The following UEVLD variants were observed in gnomAD, a reference collection of about 807,000 sequenced individuals.
UEVLD encodes ubiquitin-conjugating enzyme E2 variant 3.
A neutral mutation model predicts 58.6 loss-of-function variants in UEVLD; 47 were observed. The observed-to-expected ratio is 0.80, with a 90% CI of 0.63 to 1.02. The LOEUF is 1.02. Among genes scored for constraint, UEVLD ranks in the 50% least tolerant of loss-of-function variants. UEVLD has a pLI of 0.00. For missense variants in UEVLD, 510 were observed against 550.6 expected, an observed-to-expected ratio of 0.93 and a Z score of 0.74; for synonymous variants, 197 against 195.3, an observed-to-expected ratio of 1.01 and a Z score of -0.07.
rs113365386 is a variant in UEVLD at position 18,581,834 on chromosome 11, C to T, written c.43-3026G>A. Reference sequence around the variant, plus strand: ...TTCACAGTACTTAGTACAGGGTATGCCTTTGATAGAATTATGTTTTTTGGA... The same window carrying T: ...TTCACAGTACTTAGTACAGGGTATGTCTTTGATAGAATTATGTTTTTTGGA... On this transcript the variant is annotated intron_variant, in intron 1 of 11. Coordinates refer to ENST00000396197, the MANE Select transcript of UEVLD (RefSeq NM_001040697.4). Among the ~76,000 whole-genome samples the T allele has an allele frequency of 7.9e-4, 121 of 152,206 alleles. 1 individual carries two copies. The highest frequency in any genetic ancestry group is 2.7e-3 in the African/African-American group (114 of 41,530).
At chr11:18,561,901 GA>G (rs372315047) in intron 6 of UEVLD, among the ~76,000 whole-genome samples, 8 of 143,842 alleles carry the variant, frequency 5.6e-5, no homozygotes, top group Admixed American at 1.4e-4. Context: ...TCCATCTCAA[GA>G]AAAAAAAAAG....
At chr11:18,536,306 G>C in intron 10 of UEVLD, 100 bp downstream of exon 10, 1 of 1,133,958 alleles carries the variant, frequency 8.8e-7, no homozygotes, top group Non-Finnish European at 1.3e-6. Context: ...TATTAGTTTT[G>C]TTTCCAGAAG....
chr11:18,582,867 T>C (rs965983043), intron 1 of UEVLD, among the ~76,000 whole-genome samples: 8 of 152,282 alleles, frequency 5.3e-5, no homozygotes, highest in African/African-American at 1.9e-4. Context: ...AAAAATTGAG[T>C]TTAATAAAAT....
intron 1 of UEVLD, among the ~76,000 whole-genome samples, chr11:18,582,367 A>T (rs1226256754): frequency 9.2e-6 from 1 of 108,526 alleles, no homozygotes; most frequent in Non-Finnish European, 1.8e-5. Flanking sequence ...GCCCGAGCCA[A>T]AAAGTACCTG....
At chr11:18,569,571 G>A (rs963698178) in intron 4 of UEVLD, among the ~76,000 whole-genome samples, 3 of 152,028 alleles carry the variant, frequency 2.0e-5, no homozygotes, top group African/African-American at 4.8e-5. Flanking sequence ...AATGTCTTAC[G>A]TTAGGGCAAT....
chr11:18,556,542 A>T (rs1239462072), intron 7 of UEVLD, among the ~76,000 whole-genome samples: 1 of 152,232 alleles, frequency 6.6e-6, no homozygotes, highest in Non-Finnish European at 1.5e-5. Flanking sequence ...TTGTCAAGGA[A>T]TAAAGGGGAC....
At chr11:18,558,944 G>A (rs182924655) in intron 6 of UEVLD, among the ~76,000 whole-genome samples, 36 of 147,586 alleles carry the variant, frequency 2.4e-4, no homozygotes, top group Middle Eastern at 8.1e-3. Flanking sequence ...GTACAATCTC[G>A]GCTCACTGCA....
intron 10 of UEVLD, among the ~76,000 whole-genome samples, chr11:18,535,062 G>C (rs1174698382): frequency 6.6e-6 from 1 of 152,218 alleles, no homozygotes. Flanking sequence ...AAAAATGTCT[G>C]AGATTTCATC....
At position 18,588,699 on chromosome 11, in the gene UEVLD, A is replaced by C; in HGVS notation, c.-45T>G. 1 of 1,596,132 alleles carries C rather than the reference A, an allele frequency of 6.3e-7. No homozygotes were observed. The highest frequency in any genetic ancestry group is 8.5e-7 in the Non-Finnish European group (1 of 1,176,104). On this transcript the variant is annotated 5_prime_UTR_variant, in exon 1 of 12. Coordinates refer to ENST00000396197, the MANE Select transcript of UEVLD (RefSeq NM_001040697.4). The stretch of plus-strand genomic sequence containing the variant: ...TAGGTCCCAGGACTCCAGCCCCCGG[A>C]CCTTCTTCCGGACTTGCTGCAGGAC...
At chr11:18,538,172 C>T (rs1850890282) in intron 9 of UEVLD, among the ~76,000 whole-genome samples, 1 of 152,120 alleles carries the variant, frequency 6.6e-6, no homozygotes, top group African/African-American at 2.4e-5. Flanking sequence ...CATGTGTCAG[C>T]AACAAAGGAC....
intron 6 of UEVLD, chr11:18,563,578 A>G: frequency 8.1e-6 from 6 of 739,350 alleles, no homozygotes; most frequent in Non-Finnish European, 9.9e-6. Flanking sequence ...GCAACAGAAC[A>G]TGACCCTGTC....
In UEVLD at chr11:18,580,101, G is replaced by C. The variant is rs116940770; in HGVS notation, c.43-1293C>G. Among the ~76,000 whole-genome samples the C allele has an allele frequency of 2.4e-3, 364 of 149,002 alleles. 1 individual carries two copies. Among genetic ancestry groups the C allele is most frequent in the Non-Finnish European group, 4.1e-3 (277 of 67,582 alleles). On this transcript the variant is annotated intron_variant, in intron 1 of 11. Transcript: ENST00000396197. Reference sequence around the variant, plus strand: ...TCTAAAATTCATTTGGAAATTCGAGGGACCTAGAATAGCCAAAACGATCAG... The same window carrying C: ...TCTAAAATTCATTTGGAAATTCGAGCGACCTAGAATAGCCAAAACGATCAG...
rs373728503 is a variant in UEVLD, at chr11:18,570,355, A to C, written c.216T>G (p.Ile72Met). 1 of 1,569,410 alleles carries C rather than the reference A, an allele frequency of 6.4e-7. No homozygotes were observed. The highest frequency in any genetic ancestry group is 1.2e-5 in the South Asian group (1 of 83,194). The change falls in exon 4 of 12, where the codon ATT (isoleucine) becomes ATG (methionine). Residue 72 changes from isoleucine to methionine, a missense_variant. By Grantham distance (10) the Ile-to-Met change is conservative. Coordinates refer to ENST00000396197, the MANE Select transcript of UEVLD (RefSeq NM_001040697.4). ...MYQGNTYNIP[I>M]RFWILDSHPF... ...GGTGAGAATCCAAAATCCAGAAACG[A>C]ATTGGTATGTTATATGTATTACCTA...
chr11:18,582,761 G>A (rs1853311455), intron 1 of UEVLD, among the ~76,000 whole-genome samples: 1 of 152,174 alleles, frequency 6.6e-6, no homozygotes, highest in Non-Finnish European at 1.5e-5. Flanking sequence ...GCAGTGCCAT[G>A]TGCTTAAAGG....
chr11:18,586,165 G>T (rs564191964), intron 1 of UEVLD, among the ~76,000 whole-genome samples: 1 of 151,958 alleles, frequency 6.6e-6, no homozygotes, highest in African/African-American at 2.4e-5. Flanking sequence ...CTTCTCCATC[G>T]ATTTTTTCTG....
chr11:18,541,478 C>T (rs141281546), intron 9 of UEVLD, among the ~76,000 whole-genome samples: 138 of 152,300 alleles, frequency 9.1e-4, no homozygotes, highest in African/African-American at 3.2e-3. Context: ...GGAGACTTTT[C>T]ACTGCATATC....
chr11:18,567,356 A>G (rs567456225), intron 4 of UEVLD, among the ~76,000 whole-genome samples: 1 of 152,314 alleles, frequency 6.6e-6, no homozygotes, highest in East Asian at 1.9e-4. Flanking sequence ...TGAGTGTAAA[A>G]CAGATGTTTA....
At chr11:18,584,979 G>A (rs1169480803) in intron 1 of UEVLD, among the ~76,000 whole-genome samples, 3 of 151,986 alleles carry the variant, frequency 2.0e-5, no homozygotes, top group Non-Finnish European at 4.4e-5. Flanking sequence ...ATATATTTTA[G>A]ATACCAATAC....
chr11:18,537,622 C>T lies in UEVLD; in HGVS notation c.1061-1153G>A, dbSNP rs113535613. 9.1e-4 allele frequency among the ~76,000 whole-genome samples: 137 copies of T among 150,740 alleles called. 1 individual carries two copies. The highest frequency in any genetic ancestry group is 3.5e-3 in the Middle Eastern group (1 of 284). On this transcript the variant is annotated intron_variant, in intron 9 of 11. Transcript: ENST00000396197. ...CTAGGATTACAGGTGTGAGCCACTG[C>T]GCCTGGCCAGACTAGAAATTTATAT...
Sources: gnomAD v4.1 joint callset for allele counts (sites outside exome capture counted in the v4.1 genomes callset) on GRCh38, gnomAD v4.1.1 for gene constraint, MANE v1.5 for transcripts, NCBI Gene and HGNC (gene_info 2026-07-23, HGNC 2026-07-21) for gene names.